The following COX8C variants were observed in gnomAD, a reference collection of about 807,000 sequenced individuals.
COX8C encodes the protein cytochrome c oxidase subunit 8C, mitochondrial.
COX8C carries 3 observed loss-of-function variants against 3.5 expected under a neutral mutation model. The observed-to-expected ratio is 0.86, with a 90% CI of 0.39 to 2.24. The LOEUF (loss-of-function observed/expected upper bound fraction) is 2.24, where lower values mean the gene tolerates loss of function less well. COX8C is among the 30% of genes most tolerant of loss of function. The pLI is 0.05. For synonymous variants in COX8C, 46 were observed against 44.1 expected (o/e 1.04, Z -0.17); for missense variants, 113 against 102.5 (o/e 1.10, Z -0.44).
In COX8C at chr14:93,347,214, T is replaced by G. The variant is rs1324210052; in HGVS notation, c.-55T>G. 11 of 1,519,158 alleles carry G rather than the reference T, an allele frequency of 7.2e-6. No individual in the cohort carries two copies. Among genetic ancestry groups the G allele is most frequent in the Non-Finnish European group, 8.9e-6 (10 of 1,128,722 alleles). The allele number at this position is 1,519,158 out of a possible 1,614,324, so 94.1% of individuals were successfully genotyped here. On this transcript the variant is annotated 5_prime_UTR_variant, in exon 1 of 2. Transcript: ENST00000342144. ...TCACGAGCACTGGAGCTTGCGTTAC[T>G]TGGCCTCACCTCACCTGTGCTGTCC...
rs1469207565 is a variant in COX8C, at chr14:93,348,014, ATCTTC to A, written c.127-8_127-4del. 1.9e-6 allele frequency: 3 copies of A among 1,557,318 alleles called. No homozygotes were observed. The African/African-American group carries it at 4.1e-5, about 21-fold the overall frequency. On this transcript the variant is annotated splice_polypyrimidine_tract_variant and intron_variant, in intron 1 of 1. Coordinates refer to ENST00000342144, the MANE Select transcript of COX8C (RefSeq NM_182971.3). ...GAAGCCATACTCAGCAGCGCGTGTC[ATCTTC>A]TCTTCCAGGAAATGGCTGTTGGACT...
At chr14:93,347,445 G>C (rs1323639552) in intron 1 of COX8C, 51 bp downstream of exon 1, 2 of 1,402,528 alleles carry the variant, frequency 1.4e-6, no homozygotes, top group South Asian at 3.1e-5. Flanking sequence ...TGGCCCTGGC[G>C]GGGCGCCCCG....
intron 1 of COX8C, 102 bp downstream of exon 1, chr14:93,347,496 G>T: frequency 1.6e-6 from 2 of 1,279,916 alleles, no homozygotes; most frequent in South Asian, 1.8e-5. Context: ...CAGGCCTCGC[G>T]TGGGAGGCTC....
chr14:93,347,712 G>A (rs2053889615), intron 1 of COX8C, among the ~76,000 whole-genome samples: 1 of 152,188 alleles, frequency 6.6e-6, no homozygotes. Flanking sequence ...TTTCGCGGAG[G>A]AATGATTTAC....
chr14:93,347,491 C>T lies in COX8C; in HGVS notation c.126+97C>T, dbSNP rs115006280. The stretch of plus-strand genomic sequence containing the variant: ...AGAAGGGAGGACACGGCGTGCAGGC[C>T]TCGCGTGGGAGGCTCTTGTGGCTTG... On this transcript the variant is annotated intron_variant, in intron 1 of 1. Coordinates refer to ENST00000342144, the MANE Select transcript of COX8C (RefSeq NM_182971.3). The T allele has an allele frequency of 3.9e-3, 5,158 of 1,307,232 alleles. 167 individuals are homozygous for T. In the African/African-American group the frequency reaches 0.073, roughly 18 times the overall value. The allele number at this position is 1,307,232 out of a possible 1,614,324, so 81.0% of individuals were successfully genotyped here.
chr14:93,347,638 G>T (rs1012295268), intron 1 of COX8C, among the ~76,000 whole-genome samples: 4 of 152,130 alleles, frequency 2.6e-5, no homozygotes, highest in African/African-American at 9.7e-5. Flanking sequence ...TGAGGAACGC[G>T]CGGGGATTGG....
rs574860845 is a variant in COX8C at position 93,347,810 on chromosome 14, G to C, written c.127-218G>C. 1.8e-4 allele frequency among the ~76,000 whole-genome samples: 28 copies of C among 152,012 alleles called. 1 individual carries two copies. In the South Asian group the frequency reaches 5.2e-3, roughly 28 times the overall value. On this transcript the variant is annotated intron_variant, in intron 1 of 1. Coordinates refer to ENST00000342144, the MANE Select transcript of COX8C (RefSeq NM_182971.3). The stretch of plus-strand genomic sequence containing the variant: ...GGGCCACATCGAAGTTCCAGAGTGC[G>C]AAGGTTGGAACCGGAGACCCCTTAG...
At position 93,348,218 on chromosome 14, in the gene COX8C, A is replaced by T. The variant is rs966576468; in HGVS notation, c.*98A>T. 40 of 724,210 alleles carry T rather than the reference A, an allele frequency of 5.5e-5. No homozygotes were observed. In the African/African-American group the frequency reaches 6.3e-4, roughly 11 times the overall value. 44.9% of individuals were successfully genotyped at this position (724,210 alleles called of 1,614,324 possible). A position where few individuals can be genotyped will look rare whatever the true frequency, so the allele number is the denominator to read the frequency against. ...AAAATTGCCTAGTTGAGTTGATGCA[A>T]CCATTGTGGTATTCACTTTCCTCAT... On this transcript the variant is annotated 3_prime_UTR_variant, in exon 2 of 2. Coordinates refer to ENST00000342144, the MANE Select transcript of COX8C (RefSeq NM_182971.3).
Position 93,347,192 on chromosome 14 carries a change from C to G in COX8C, c.-77C>G. The stretch of plus-strand genomic sequence containing the variant: ...GCGCCTGCGCAAACCAGCTGCCTCA[C>G]GAGCACTGGAGCTTGCGTTACTTGG... On this transcript the variant is annotated 5_prime_UTR_variant, in exon 1 of 2. Transcript: ENST00000342144. The G allele has an allele frequency of 6.7e-7, 1 of 1,481,576 alleles. No individual in the cohort carries two copies. Among genetic ancestry groups the G allele is most frequent in the Non-Finnish European group, 9.0e-7 (1 of 1,108,334 alleles). 91.8% of individuals were successfully genotyped at this position (1,481,576 alleles called of 1,614,324 possible).
Position 93,348,124 on chromosome 14 carries a change from G to A in COX8C, c.*4G>A. 1 of 1,568,198 alleles carries A rather than the reference G, an allele frequency of 6.4e-7. No homozygotes were observed. The highest frequency in any genetic ancestry group is 8.8e-7 in the Non-Finnish European group (1 of 1,138,378). On this transcript the variant is annotated 3_prime_UTR_variant, in exon 2 of 2. Transcript: ENST00000342144. Reference sequence around the variant, plus strand: ...GAAGCAGTTCAGAAGGAATTAGATGGAAGATGATGTTGAACAGCTGTTAAC... The same window carrying A: ...GAAGCAGTTCAGAAGGAATTAGATGAAAGATGATGTTGAACAGCTGTTAAC...
Position 93,347,231 on chromosome 14 carries a change from G to A in COX8C, c.-38G>A, listed in dbSNP as rs1196270218. 2 of 1,570,118 alleles carry A rather than the reference G, an allele frequency of 1.3e-6. No individual in the cohort carries two copies. Among genetic ancestry groups the A allele is most frequent in the Non-Finnish European group, 8.6e-7 (1 of 1,157,850 alleles). On this transcript the variant is annotated 5_prime_UTR_variant, in exon 1 of 2. In the 5' UTR this introduces an upstream ATG that the reference lacks. Transcript: ENST00000342144. ...TGCGTTACTTGGCCTCACCTCACCT[G>A]TGCTGTCCACGCCTGGCTTTGTCTC...
At chr14:93,347,479 C>T (rs951853481) in intron 1 of COX8C, 85 bp downstream of exon 1, 3 of 1,345,514 alleles carry the variant, frequency 2.2e-6, no homozygotes, top group African/African-American at 1.6e-5. Context: ...AGGGAGGACA[C>T]GGCGTGCAGG....
In COX8C at chr14:93,348,242, A is replaced by T. The variant is rs1342912070; in HGVS notation, c.*122A>T. On this transcript the variant is annotated 3_prime_UTR_variant, in exon 2 of 2. Coordinates refer to ENST00000342144, the MANE Select transcript of COX8C (RefSeq NM_182971.3). ...AACCATTGTGGTATTCACTTTCCTCATGTTTATGATGAATATTTTGCACTT... is the reference window on the plus strand; with the variant it reads ...AACCATTGTGGTATTCACTTTCCTCTTGTTTATGATGAATATTTTGCACTT... The T allele has an allele frequency of 9.4e-6, 6 of 638,966 alleles. No homozygotes were observed. The East Asian group carries it at 1.6e-4, about 17-fold the overall frequency. 39.6% of individuals were successfully genotyped at this position (638,966 alleles called of 1,614,324 possible). A position where few individuals can be genotyped will look rare whatever the true frequency, so the allele number is the denominator to read the frequency against.
intron 1 of COX8C, among the ~76,000 whole-genome samples, 180 bp from the exon 2 acceptor site, chr14:93,347,848 T>TA (rs2139902323): frequency 6.7e-6 from 1 of 148,886 alleles, no homozygotes; most frequent in African/African-American, 2.6e-5. Flanking sequence ...GAAAAATGAA[T>TA]TAAAAAAAAA....
In COX8C at chr14:93,347,282, G is replaced by A. The variant is rs144352893; in HGVS notation, c.14G>A (p.Arg5His). 169 of 1,604,594 alleles carry A rather than the reference G, an allele frequency of 1.1e-4. No homozygotes were observed. The highest frequency in any genetic ancestry group is 1.6e-4 in the Middle Eastern group (1 of 6,062). MPLLRGRCPARRHYR... is the reference protein window; with the variant it reads MPLLHGRCPARRHYR... ...ACCTGACGCGATATGCCTCTCCTGCGTGGGCGCTGTCCTGCCCGCCGCCAC... is the reference window on the plus strand; with the variant it reads ...ACCTGACGCGATATGCCTCTCCTGCATGGGCGCTGTCCTGCCCGCCGCCAC... Residue 5 changes from arginine to histidine, a missense_variant, in exon 1 of 2, where the codon CGT (arginine) becomes CAT (histidine). Coordinates refer to ENST00000342144, the MANE Select transcript of COX8C (RefSeq NM_182971.3).
At position 93,347,379 on chromosome 14, in the gene COX8C, GC is replaced by G; in HGVS notation, c.115del (p.Leu39CysfsTer18). On this transcript the variant is annotated frameshift_variant, in exon 1 of 2. Transcript: ENST00000342144. LOFTEE classifies it low-confidence loss of function (END_TRUNC). ...CCCACTCGGGGCCCCCGCGCCAGCGGCCCCTGTCTGCCGCGGTGAGTTGAGG... is the reference window on the plus strand; with the variant it reads ...CCCACTCGGGGCCCCCGCGCCAGCGGCCCTGTCTGCCGCGGTGAGTTGAGG... ...FAHSGPPRQRPLSAAEMAVGL... is the reference protein window; with the variant it reads ...FAHSGPPRQRXLSAAEMAVGL... 1 of 1,548,874 alleles carries G rather than the reference GC, an allele frequency of 6.5e-7. No homozygotes were observed.
chr14:93,348,006 C>CG, intron 1 of COX8C, 22 bp from the exon 2 acceptor site: 1 of 1,465,244 alleles, frequency 6.8e-7, no homozygotes, highest in African/African-American at 1.4e-5. Flanking sequence ...TACTCAGCAG[C>CG]GCGTGTCATC....
chr14:93,347,898 T>A, intron 1 of COX8C, 130 bp from the exon 2 acceptor site: 1 of 582,782 alleles, frequency 1.7e-6, no homozygotes, highest in Non-Finnish European at 3.1e-6. Context: ...CATTTTAGAT[T>A]TCACTAGGCG....
rs2053910048 is a variant in COX8C, at chr14:93,348,244, G to A, written c.*124G>A. On this transcript the variant is annotated 3_prime_UTR_variant, in exon 2 of 2. Transcript: ENST00000342144. ...CCATTGTGGTATTCACTTTCCTCAT[G>A]TTTATGATGAATATTTTGCACTTTT... 1.6e-6 allele frequency: 1 copy of A among 638,684 alleles called. No individual in the cohort carries two copies. Among genetic ancestry groups the A allele is most frequent in the Non-Finnish European group, 2.8e-6 (1 of 351,966 alleles). The allele number at this position is 638,684 out of a possible 1,614,324, so 39.6% of individuals were successfully genotyped here.
Sources: gnomAD v4.1 joint callset for allele counts (sites outside exome capture counted in the v4.1 genomes callset) on GRCh38, gnomAD v4.1.1 for gene constraint, MANE v1.5 for transcripts, NCBI Gene and HGNC (gene_info 2026-07-23, HGNC 2026-07-21) for gene names.